TYW1: variants seen among roughly 807,000 people sequenced by gnomAD.
TYW1 encodes the protein tRNA-yW synthesizing protein 1 homolog, also known as S-adenosyl-L-methionine-dependent tRNA 4-demethylwyosine synthase TYW1.
Under a neutral mutation model 96.2 loss-of-function variants are expected in TYW1, and 46 were observed. The observed-to-expected ratio is 0.48, with a 90% CI of 0.38 to 0.61. TYW1 has a LOEUF of 0.61. Ranked by LOEUF, TYW1 falls within the 20% of genes least tolerant of loss-of-function variation. TYW1 has a pLI of 0.00. For missense variants in TYW1, 684 were observed against 909.6 expected, an observed-to-expected ratio of 0.75 and a Z score of 3.19; for synonymous variants, 274 against 323.0, an observed-to-expected ratio of 0.85 and a Z score of 1.63.
chr7:67,095,855 C>T (rs1796893388), intron 11 of TYW1, among the ~76,000 whole-genome samples: 1 of 152,140 alleles, frequency 6.6e-6, no homozygotes, highest in Admixed American at 6.5e-5. Flanking sequence ...TGAGGCACAA[C>T]TGAGCAGTGA....
At chr7:67,004,598 A>G (rs1345681973) in intron 3 of TYW1, among the ~76,000 whole-genome samples, 7 of 152,232 alleles carry the variant, frequency 4.6e-5, no homozygotes, top group African/African-American at 1.4e-4. Context: ...GTGGCCCATA[A>G]CAATTTTTCC....
intron 12 of TYW1, among the ~76,000 whole-genome samples, chr7:67,110,724 C>T (rs1434991071): frequency 6.6e-6 from 1 of 152,130 alleles, no homozygotes; most frequent in African/African-American, 2.4e-5. Flanking sequence ...AAAATAATAG[C>T]CAGGCGTGGT....
chr7:67,005,718 G>A (rs866382462), intron 3 of TYW1, among the ~76,000 whole-genome samples: 9 of 152,176 alleles, frequency 5.9e-5, no homozygotes, highest in Non-Finnish European at 1.0e-4. Flanking sequence ...TCTCAACTCA[G>A]CAACCTCAGT....
At chr7:67,140,099 A>G (rs545760331) in intron 13 of TYW1, among the ~76,000 whole-genome samples, 2 of 152,108 alleles carry the variant, frequency 1.3e-5, no homozygotes, top group East Asian at 1.9e-4. Context: ...GAACTTGTGC[A>G]GGGGAACCCC....
chr7:67,122,836 C>T (rs1797799990), intron 13 of TYW1, among the ~76,000 whole-genome samples: 1 of 152,164 alleles, frequency 6.6e-6, no homozygotes, highest in Admixed American at 6.6e-5. Flanking sequence ...GTCCTTAGCA[C>T]ACTGAGGACA....
At chr7:67,083,028 C>T (rs1310467936) in intron 10 of TYW1, among the ~76,000 whole-genome samples, 1 of 152,130 alleles carries the variant, frequency 6.6e-6, no homozygotes, top group African/African-American at 2.4e-5. Context: ...TTCTCAGGCC[C>T]TGTCAGTGTG....
At chr7:67,016,887 G>A (rs1477499512) in intron 5 of TYW1, among the ~76,000 whole-genome samples, 1 of 151,982 alleles carries the variant, frequency 6.6e-6, no homozygotes, top group South Asian at 2.1e-4. Flanking sequence ...GGTCTCCCAA[G>A]GTGCTGGAAT....
intron 15 of TYW1, among the ~76,000 whole-genome samples, chr7:67,203,979 T>C (rs573837006): frequency 6.6e-6 from 1 of 152,372 alleles, no homozygotes; most frequent in South Asian, 2.1e-4. Context: ...TGTCATTTGA[T>C]TGTTTTTCTC....
rs554128898 is a variant in TYW1 at position 67,008,579 on chromosome 7, G to T, written c.274-1004G>T. On this transcript the variant is annotated intron_variant, in intron 3 of 15. Coordinates refer to ENST00000359626, the MANE Select transcript of TYW1 (RefSeq NM_018264.4). Reference sequence around the variant, plus strand: ...TTCTCTGGGGTTCTGTTAGCCCTGTGAACTCTTCCCTAGGACTTTTTCCTG... The same window carrying T: ...TTCTCTGGGGTTCTGTTAGCCCTGTTAACTCTTCCCTAGGACTTTTTCCTG... Among the ~76,000 whole-genome samples, 12 of 152,250 alleles carry T rather than the reference G, an allele frequency of 7.9e-5. No homozygotes were observed. The East Asian group carries it at 2.1e-3, about 27-fold the overall frequency.
At chr7:67,146,793 G>A (rs1798621663) in intron 13 of TYW1, among the ~76,000 whole-genome samples, 1 of 152,180 alleles carries the variant, frequency 6.6e-6, no homozygotes, top group Non-Finnish European at 1.5e-5. Flanking sequence ...GATTGTAGGT[G>A]AACCAGAGGC....
chr7:67,168,292 G>T (rs1323668275), intron 13 of TYW1, among the ~76,000 whole-genome samples: 1 of 151,942 alleles, frequency 6.6e-6, no homozygotes, highest in Admixed American at 6.6e-5. Context: ...TCTTTTTTGT[G>T]TATCTTGGGA....
chr7:67,022,474 A>G (rs1267573499), intron 6 of TYW1, among the ~76,000 whole-genome samples: 1 of 152,200 alleles, frequency 6.6e-6, no homozygotes, highest in Non-Finnish European at 1.5e-5. Context: ...TTTATTGGAA[A>G]TGATGAGGTA....
At chr7:67,122,879 C>T (rs1797801442) in intron 13 of TYW1, among the ~76,000 whole-genome samples, 1 of 152,152 alleles carries the variant, frequency 6.6e-6, no homozygotes, top group Non-Finnish European at 1.5e-5. Flanking sequence ...GCAGCATGCA[C>T]ATTTTGTCAC....
intron 13 of TYW1, among the ~76,000 whole-genome samples, chr7:67,172,832 C>A (rs1161835176): frequency 6.6e-6 from 1 of 151,968 alleles, no homozygotes; most frequent in African/African-American, 2.4e-5. Context: ...TTTTAAAAAA[C>A]AAACAAGCTG....
At chr7:67,025,783 T>C (rs1191468844) in intron 7 of TYW1, among the ~76,000 whole-genome samples, 2 of 152,052 alleles carry the variant, frequency 1.3e-5, no homozygotes, top group Non-Finnish European at 2.9e-5. Context: ...TACTATACTA[T>C]AAAAATAACA....
intron 13 of TYW1, among the ~76,000 whole-genome samples, chr7:67,167,531 A>G (rs1258088855): frequency 6.7e-6 from 1 of 149,758 alleles, no homozygotes; most frequent in African/African-American, 2.5e-5. Context: ...GTAATTTCCT[A>G]GACATTGTGT....
At chr7:67,151,461 A>G (rs951108728) in intron 13 of TYW1, among the ~76,000 whole-genome samples, 57 of 151,980 alleles carry the variant, frequency 3.8e-4, no homozygotes, top group African/African-American at 1.4e-3. Context: ...CTTTTATTTT[A>G]TATCCCTTTC....
intron 14 of TYW1, among the ~76,000 whole-genome samples, chr7:67,188,805 A>G (rs1800110188): frequency 6.6e-6 from 1 of 152,122 alleles, no homozygotes; most frequent in Non-Finnish European, 1.5e-5. Context: ...AATAATACAA[A>G]TTGGCCCTAG....
At chr7:67,047,783 A>ATTTT (rs36007120) in intron 7 of TYW1, among the ~76,000 whole-genome samples, 6,071 of 79,922 alleles carry the variant, frequency 0.076, 643 homozygotes, top group Non-Finnish European at 0.1. Flanking sequence ...GTGAGTGTCA[A>ATTTT]TTTTTTTTTT....
Sources: gnomAD v4.1 joint callset for allele counts (sites outside exome capture counted in the v4.1 genomes callset) on GRCh38, gnomAD v4.1.1 for gene constraint, MANE v1.5 for transcripts, NCBI Gene and HGNC (gene_info 2026-07-23, HGNC 2026-07-21) for gene names.